USP14: variants seen among roughly 807,000 people sequenced by gnomAD.
USP14 encodes the protein ubiquitin carboxyl-terminal hydrolase 14.
A neutral mutation model predicts 76.5 loss-of-function variants in USP14; 38 were observed. That is an observed-to-expected ratio of 0.50 (90% CI 0.38 to 0.65). The LOEUF (loss-of-function observed/expected upper bound fraction) is 0.65, where lower values mean the gene tolerates loss of function less well. Among genes scored for constraint, USP14 ranks in the 30% least tolerant of loss-of-function variants. The pLI, the probability that USP14 is intolerant of heterozygous loss-of-function variation, is 0.00. For synonymous variants in USP14, 192 were observed against 191.7 expected (o/e 1.00, Z -0.01); for missense variants, 467 against 586.5 (o/e 0.80, Z 2.10).
intron 13 of USP14, among the ~76,000 whole-genome samples, chr18:205,521 C>A (rs1481468536): frequency 6.6e-6 from 1 of 152,128 alleles, no homozygotes; most frequent in Non-Finnish European, 1.5e-5. Flanking sequence ...CGCTAGTAAT[C>A]CCAGGACTTT....
intron 4 of USP14, 97 bp from the exon 5 acceptor site, chr18:180,139 T>C (rs1598269909): frequency 1.7e-6 from 1 of 581,290 alleles, no homozygotes; most frequent in East Asian, 3.3e-5. Context: ...AAATGGTACT[T>C]GATTCAAAAT....
chr18:178,008 T>G (rs537749099), intron 3 of USP14, among the ~76,000 whole-genome samples: 11 of 150,846 alleles, frequency 7.3e-5, no homozygotes, highest in Non-Finnish European at 1.2e-4. Context: ...TTATTAGTGT[T>G]TGTTTGTTTG....
intron 6 of USP14, among the ~76,000 whole-genome samples, chr18:195,405 T>C (rs553212): frequency 0.19 from 28,696 of 152,144 alleles, 2,879 homozygotes; most frequent in Non-Finnish European, 0.23. Flanking sequence ...TCAGTCTGTA[T>C]AATGATGATA....
intron 1 of USP14, among the ~76,000 whole-genome samples, chr18:162,548 G>A (rs1353472865): frequency 6.6e-6 from 1 of 152,076 alleles, no homozygotes; most frequent in African/African-American, 2.4e-5. Flanking sequence ...AGTTGTTCTA[G>A]ATGTGCTTTA....
In USP14 at chr18:180,353, C is replaced by G. The variant is rs776312246; in HGVS notation, c.404+14C>G. On this transcript the variant is annotated intron_variant, in intron 5 of 15. Transcript: ENST00000261601. Reference sequence around the variant, plus strand: ...TGCCCTTAAAAGGTAAGACTGCAGTCTTTTTTGGGTAAGGGATGTTCACAT... The same window carrying G: ...TGCCCTTAAAAGGTAAGACTGCAGTGTTTTTTGGGTAAGGGATGTTCACAT... 6.5e-7 allele frequency: 1 copy of G among 1,543,524 alleles called. No homozygotes were observed. The highest frequency in any genetic ancestry group is 1.2e-5 in the South Asian group (1 of 83,188).
chr18:176,345 G>C (rs1203804805), intron 3 of USP14, among the ~76,000 whole-genome samples: 1 of 152,106 alleles, frequency 6.6e-6, no homozygotes, highest in Admixed American at 6.6e-5. Context: ...TAGAGATGGG[G>C]TCTTGCTATG....
rs760299516 is a variant in USP14 at position 203,072 on chromosome 18, G to A, written c.943-26G>A. On this transcript the variant is annotated intron_variant, in intron 11 of 15. Coordinates refer to ENST00000261601, the MANE Select transcript of USP14 (RefSeq NM_005151.4). Reference sequence around the variant, plus strand: ...CTTGTATGGTATTTTGATGTAATGGGATTTCTTTACATTTTGTCTCCTCAG... The same window carrying A: ...CTTGTATGGTATTTTGATGTAATGGAATTTCTTTACATTTTGTCTCCTCAG... 14 of 1,609,974 alleles carry A rather than the reference G, an allele frequency of 8.7e-6. No homozygotes were observed. The African/African-American group carries it at 9.4e-5, about 11-fold the overall frequency.
At chr18:166,755 G>A (rs1909282778) in intron 2 of USP14, 32 bp from the exon 3 acceptor site, 27 of 1,606,280 alleles carry the variant, frequency 1.7e-5, no homozygotes, top group Non-Finnish European at 2.3e-5. Flanking sequence ...GTACAGTGGT[G>A]GTTAAATGTC....
rs1288571127 is a variant in USP14 at position 204,690 on chromosome 18, A to G, written c.1162A>G (p.Thr388Ala). ...TAAAAAAGTGAATCAGCAGCCAAAT[A>G]CAGTAGGTTCTTACTGCTGACTTTA... Reference protein sequence around the residue: ...EDKKVNQQPNTSDKKSSPQKE... With the variant: ...EDKKVNQQPNASDKKSSPQKE... Residue 388 changes from threonine (T) to alanine (A), a missense_variant and splice_region_variant, in exon 13 of 16, where the codon ACA becomes GCA. Thr to Ala is a moderately conservative substitution (Grantham distance 58). Transcript: ENST00000261601. 7 of 1,611,842 alleles carry G rather than the reference A, an allele frequency of 4.3e-6. No homozygotes were observed. Among genetic ancestry groups the G allele is most frequent in the Non-Finnish European group, 5.1e-6 (6 of 1,179,488 alleles).
intron 2 of USP14, 138 bp from the exon 3 acceptor site, chr18:166,649 A>T: frequency 9.0e-7 from 1 of 1,112,646 alleles, no homozygotes; most frequent in Non-Finnish European, 1.2e-6. Context: ...AATTTTTTTA[A>T]TTGCCATAAT....
chr18:158,935 G>T (rs957385383), intron 1 of USP14: 5 of 567,506 alleles, frequency 8.8e-6, no homozygotes, highest in East Asian at 7.4e-5. Flanking sequence ...ACCGATGGGT[G>T]GGGGGAGTGG....
intron 2 of USP14, among the ~76,000 whole-genome samples, chr18:165,073 C>G (rs994127978): frequency 6.6e-6 from 1 of 152,028 alleles, no homozygotes; most frequent in Admixed American, 6.6e-5. Flanking sequence ...CTCAGTCTCC[C>G]GAATAGCTGG....
At chr18:195,039 T>C (rs899417765) in intron 6 of USP14, among the ~76,000 whole-genome samples, 16 of 152,196 alleles carry the variant, frequency 1.1e-4, no homozygotes, top group African/African-American at 3.9e-4. Context: ...AAAAAGTTTT[T>C]TTTTTTTCCT....
At chr18:192,258 A>G (rs971068003) in intron 5 of USP14, among the ~76,000 whole-genome samples, 1 of 152,228 alleles carries the variant, frequency 6.6e-6, no homozygotes, top group Non-Finnish European at 1.5e-5. Flanking sequence ...TTGTTTCACA[A>G]TACTTTCAGA....
chr18:210,271 T>C (rs1158847795), intron 14 of USP14, 115 bp from the exon 15 acceptor site: 12 of 804,794 alleles, frequency 1.5e-5, no homozygotes, highest in South Asian at 2.0e-5. Flanking sequence ...TAGTATCTTA[T>C]TGGATTCTGA....
chr18:188,462 T>A (rs1355213853), intron 5 of USP14, among the ~76,000 whole-genome samples: 2 of 151,560 alleles, frequency 1.3e-5, no homozygotes, highest in Admixed American at 1.3e-4. Flanking sequence ...TTTTTTGGGG[T>A]CATTTGTTAG....
At chr18:181,727 G>C (rs2144237594) in intron 5 of USP14, among the ~76,000 whole-genome samples, 1 of 151,676 alleles carries the variant, frequency 6.6e-6, no homozygotes, top group East Asian at 1.9e-4. Flanking sequence ...TTTTAATTTT[G>C]ATGTAGTTTA....
Position 163,099 on chromosome 18 carries a change from C to T in USP14, c.17-209C>T, listed in dbSNP as rs1027275330. On this transcript the variant is annotated intron_variant, in intron 1 of 15. Coordinates refer to ENST00000261601, the MANE Select transcript of USP14 (RefSeq NM_005151.4). The stretch of plus-strand genomic sequence containing the variant: ...CCTGCTGAAGTCTCAGTTTCTTTAA[C>T]TATGAAATGAGAAGTTAGGTTTGAT... 9.8e-6 allele frequency: 4 copies of T among 406,410 alleles called. No individual in the cohort carries two copies. The South Asian group carries it at 1.5e-4, about 16-fold the overall frequency. The allele number at this position is 406,410 out of a possible 1,614,324, so 25.2% of individuals were successfully genotyped here.
Position 208,777 on chromosome 18 carries a change from G to C in USP14, c.1165-1194G>C, listed in dbSNP as rs142818114. ...ATTTATTTATTTGAGACTGAGTCTTGCTCTGTCGCCCAGGCTGGAGTGCAT... is the reference window on the plus strand; with the variant it reads ...ATTTATTTATTTGAGACTGAGTCTTCCTCTGTCGCCCAGGCTGGAGTGCAT... On this transcript the variant is annotated intron_variant, in intron 13 of 15. Transcript: ENST00000261601. 5.3e-3 allele frequency among the ~76,000 whole-genome samples: 808 copies of C among 152,198 alleles called. 7 individuals carry two copies. Among genetic ancestry groups the C allele is most frequent in the African/African-American group, 0.019 (771 of 41,524 alleles).
Sources: gnomAD v4.1 joint callset for allele counts (sites outside exome capture counted in the v4.1 genomes callset) on GRCh38, gnomAD v4.1.1 for gene constraint, MANE v1.5 for transcripts, NCBI Gene and HGNC (gene_info 2026-07-23, HGNC 2026-07-21) for gene names.